Variants in NAALADL2 observed in about 807,000 individuals in gnomAD.
NAALADL2 encodes N-acetylated alpha-linked acidic dipeptidase like 2, also known as inactive N-acetylated-alpha-linked acidic dipeptidase-like protein 2.
In NAALADL2, 76 loss-of-function variants were observed where a neutral mutation model predicts 87.2. The ratio of observed to expected loss-of-function variants is 0.87; its 90% CI spans 0.72 to 1.05. The LOEUF is 1.05. Ranked by LOEUF, NAALADL2 falls within the 50% of genes least tolerant of loss-of-function variation. The pLI is 0.00. For synonymous variants in NAALADL2, 354 were observed against 331.0 expected (o/e 1.07, Z -0.75); for missense variants, 1,089 against 945.8 (o/e 1.15, Z -1.99).
At chr3:174,778,280 T>C (rs1413040471) in intron 3 of NAALADL2, among the ~76,000 whole-genome samples, 8 of 152,074 alleles carry the variant, frequency 5.3e-5, no homozygotes, top group Admixed American at 5.3e-4. Context: ...TCTCATCATA[T>C]AATATGTCAT....
intron 1 of NAALADL2, among the ~76,000 whole-genome samples, chr3:174,873,185 C>G (rs1399218176): frequency 6.9e-6 from 1 of 145,424 alleles, no homozygotes; most frequent in Non-Finnish European, 1.5e-5. Flanking sequence ...AACTAAAACT[C>G]ACTCTCTCTG....
intron 9 of NAALADL2, among the ~76,000 whole-genome samples, chr3:175,508,850 T>C (rs1730731327): frequency 2.0e-5 from 3 of 152,112 alleles, no homozygotes; most frequent in Admixed American, 6.5e-5. Context: ...GCGCGATGGC[T>C]CATGCCTGTA....
chr3:174,448,072 T>A (rs1260313114), intron 1 of NAALADL2, among the ~76,000 whole-genome samples: 1 of 152,196 alleles, frequency 6.6e-6, no homozygotes, highest in Non-Finnish European at 1.5e-5. Flanking sequence ...TTTATTTTCC[T>A]CTGGCATTGA....
chr3:174,510,767 T>A (rs1045322280), intron 1 of NAALADL2, among the ~76,000 whole-genome samples: 6 of 151,576 alleles, frequency 4.0e-5, no homozygotes, highest in East Asian at 1.9e-4. Flanking sequence ...TACTTTTTTT[T>A]AACTTCCTTA....
At chr3:175,167,311 T>C (rs1734144767) in intron 2 of NAALADL2, among the ~76,000 whole-genome samples, 1 of 152,052 alleles carries the variant, frequency 6.6e-6, no homozygotes, top group African/African-American at 2.4e-5. Flanking sequence ...TAGAGTGAGC[T>C]CTCTCAATAC....
intron 1 of NAALADL2, among the ~76,000 whole-genome samples, chr3:174,476,845 A>G (rs1717246383): frequency 1.3e-5 from 2 of 152,182 alleles, no homozygotes; most frequent in East Asian, 1.9e-4. Context: ...ATCCAATTGA[A>G]CTTTTGTGCA....
At chr3:175,373,330 C>T (rs1350029531) in intron 5 of NAALADL2, among the ~76,000 whole-genome samples, 1 of 152,160 alleles carries the variant, frequency 6.6e-6, no homozygotes, top group Non-Finnish European at 1.5e-5. Context: ...CCACTGCCAC[C>T]TAATCTAGTC....
chr3:174,973,952 C>G (rs1337926520), intron 1 of NAALADL2, among the ~76,000 whole-genome samples: 1 of 152,146 alleles, frequency 6.6e-6, no homozygotes, highest in Non-Finnish European at 1.5e-5. Flanking sequence ...TTGCACTGCA[C>G]AAACCAAAAT....
intron 5 of NAALADL2, among the ~76,000 whole-genome samples, chr3:175,395,939 C>T (rs916506492): frequency 6.6e-6 from 1 of 152,104 alleles, no homozygotes; most frequent in Non-Finnish European, 1.5e-5. Flanking sequence ...TGTTACTTTG[C>T]ATATTACCAA....
intron 13 of NAALADL2, among the ~76,000 whole-genome samples, chr3:175,793,731 A>G (rs188879769): frequency 3.3e-5 from 5 of 152,342 alleles, no homozygotes; most frequent in Non-Finnish European, 5.9e-5. Flanking sequence ...TATACAAACA[A>G]TAAGTTCAAA....
intron 11 of NAALADL2, among the ~76,000 whole-genome samples, chr3:175,649,542 C>T (rs1730464342): frequency 6.6e-6 from 1 of 152,032 alleles, no homozygotes; most frequent in Non-Finnish European, 1.5e-5. Context: ...GTTCAAGGTG[C>T]CAGGAGGGTT....
chr3:174,732,252 G>A (rs1029961870), intron 2 of NAALADL2, among the ~76,000 whole-genome samples: 2 of 152,072 alleles, frequency 1.3e-5, no homozygotes, highest in African/African-American at 2.4e-5. Flanking sequence ...GTGTAATATA[G>A]TCTTGACACA....
chr3:175,116,605 C>T (rs1313601096), intron 2 of NAALADL2, among the ~76,000 whole-genome samples: 2 of 152,104 alleles, frequency 1.3e-5, no homozygotes, highest in South Asian at 2.1e-4. Flanking sequence ...AATGGAAAAA[C>T]ATTCCATGCT....
chr3:175,687,560 A>G (rs1028622331), intron 11 of NAALADL2, among the ~76,000 whole-genome samples: 2 of 152,174 alleles, frequency 1.3e-5, no homozygotes, highest in African/African-American at 2.4e-5. Flanking sequence ...ACTAGCAAAC[A>G]GAAGACTCAG....
intron 5 of NAALADL2, among the ~76,000 whole-genome samples, chr3:175,423,762 A>G (rs1210981575): frequency 6.6e-6 from 1 of 152,160 alleles, no homozygotes; most frequent in Non-Finnish European, 1.5e-5. Flanking sequence ...ATGATTTATA[A>G]TCCTTTGGGT....
intron 4 of NAALADL2, among the ~76,000 whole-genome samples, chr3:175,292,505 T>C (rs971777163): frequency 2.0e-5 from 3 of 152,032 alleles, no homozygotes; most frequent in Non-Finnish European, 4.4e-5. Flanking sequence ...GTTTGGCCCA[T>C]TGATAATATT....
intron 4 of NAALADL2, among the ~76,000 whole-genome samples, chr3:175,263,033 CTTTT>C (rs1751348550): frequency 6.7e-6 from 1 of 149,874 alleles, no homozygotes; most frequent in Admixed American, 6.7e-5. Flanking sequence ...ATGTCTCCAT[CTTTT>C]ATGATTCTAA....
intron 1 of NAALADL2, among the ~76,000 whole-genome samples, chr3:174,547,814 T>C (rs1392054451): frequency 1.3e-5 from 2 of 152,188 alleles, no homozygotes; most frequent in African/African-American, 2.4e-5. Context: ...AAAGTTAACA[T>C]AATTGTGAGC....
At chr3:174,570,700 G>A (rs925588321) in intron 2 of NAALADL2, among the ~76,000 whole-genome samples, 5 of 152,042 alleles carry the variant, frequency 3.3e-5, no homozygotes, top group African/African-American at 9.7e-5. Context: ...ATTTGGTATG[G>A]CATGGCTGTT....
Sources: gnomAD v4.1 joint callset for allele counts (sites outside exome capture counted in the v4.1 genomes callset) on GRCh38, gnomAD v4.1.1 for gene constraint, MANE v1.5 for transcripts, NCBI Gene and HGNC (gene_info 2026-07-23, HGNC 2026-07-21) for gene names.